The following LRRFIP1 variants were observed in gnomAD, a reference collection of about 807,000 sequenced individuals.
The protein encoded by LRRFIP1 is leucine-rich repeat flightless-interacting protein 1.
Under a neutral mutation model 104.4 loss-of-function variants are expected in LRRFIP1, and 62 were observed. The observed-to-expected ratio is 0.59, with a 90% CI of 0.48 to 0.73. The LOEUF (loss-of-function observed/expected upper bound fraction) is 0.73. LRRFIP1 is among the 30% of genes least tolerant of loss of function. The pLI, the probability that LRRFIP1 is intolerant of heterozygous loss-of-function variation, is 0.00. For missense variants in LRRFIP1, 796 were observed against 824.5 expected (o/e 0.97, Z 0.42); for synonymous variants, 300 against 299.0 (o/e 1.00, Z -0.03).
chr2:237,741,887 A>G (rs1457688996), intron 11 of LRRFIP1, among the ~76,000 whole-genome samples: 1 of 152,186 alleles, frequency 6.6e-6, no homozygotes, highest in African/African-American at 2.4e-5. Flanking sequence ...TACAATTGAC[A>G]GAAGAATGTT....
At chr2:237,733,245 C>T (rs748308825) in intron 8 of LRRFIP1, among the ~76,000 whole-genome samples, 28 of 152,320 alleles carry the variant, frequency 1.8e-4, no homozygotes, top group African/African-American at 9.6e-5. Flanking sequence ...GGCTAGACCG[C>T]GGCTCCTCTG....
At chr2:237,764,925 A>G in intron 19 of LRRFIP1, 1 of 985,610 alleles carries the variant, frequency 1.0e-6, no homozygotes, top group Non-Finnish European at 1.2e-6. Context: ...TATATGTCAA[A>G]TTACATTTCC....
At chr2:237,628,201 A>G in intron 1 of LRRFIP1, among the ~76,000 whole-genome samples, 1 of 152,234 alleles carries the variant, frequency 6.6e-6, no homozygotes, top group East Asian at 1.9e-4. Flanking sequence ...CGAGTCGCTC[A>G]GGTGACCATT....
At chr2:237,675,131 A>C (rs937408144) in intron 1 of LRRFIP1, among the ~76,000 whole-genome samples, 5 of 152,152 alleles carry the variant, frequency 3.3e-5, no homozygotes, top group Non-Finnish European at 5.9e-5. Context: ...GTCCCTCCTG[A>C]GCCCCCGCTC....
chr2:237,724,465 G>T (rs550348468), intron 7 of LRRFIP1, among the ~76,000 whole-genome samples: 273 of 152,328 alleles, frequency 1.8e-3, no homozygotes, highest in Non-Finnish European at 3.2e-3. Flanking sequence ...CTGTGGGACG[G>T]CTGTTCTGCT....
At chr2:237,704,212 G>A (rs1004216940) in intron 1 of LRRFIP1, among the ~76,000 whole-genome samples, 37 of 150,792 alleles carry the variant, frequency 2.5e-4, no homozygotes, top group African/African-American at 9.1e-4. Flanking sequence ...GAGTGCAGTG[G>A]TGCAATCTTG....
intron 19 of LRRFIP1, among the ~76,000 whole-genome samples, chr2:237,761,867 A>G (rs1444016322): frequency 6.6e-6 from 1 of 152,160 alleles, no homozygotes; most frequent in Non-Finnish European, 1.5e-5. Context: ...AAAAATTCCA[A>G]AACAGTTTGA....
chr2:237,720,722 T>A, intron 5 of LRRFIP1, 50 bp from the exon 6 acceptor site: 1 of 1,528,484 alleles, frequency 6.5e-7, no homozygotes, highest in Non-Finnish European at 9.1e-7. Flanking sequence ...TGGTTCTTCA[T>A]GTATGTTGTA....
At chr2:237,648,063 TG>T (rs775629957) in intron 1 of LRRFIP1, among the ~76,000 whole-genome samples, 2 of 152,000 alleles carry the variant, frequency 1.3e-5, no homozygotes, top group African/African-American at 4.8e-5. Context: ...ATAGAGGCAG[TG>T]TATGAGTCCA....
intron 1 of LRRFIP1, among the ~76,000 whole-genome samples, chr2:237,666,362 T>G (rs140948497): frequency 5.3e-5 from 8 of 152,268 alleles, no homozygotes; most frequent in African/African-American, 1.7e-4. Context: ...CTTTGATGAT[T>G]TATGAGCCTG....
intron 1 of LRRFIP1, among the ~76,000 whole-genome samples, chr2:237,651,938 G>T (rs1198021589): frequency 6.6e-6 from 1 of 152,206 alleles, no homozygotes; most frequent in Non-Finnish European, 1.5e-5. Flanking sequence ...GCTGCCCGTG[G>T]CTGCATTGGG....
Position 237,766,287 on chromosome 2 carries a change from C to T in LRRFIP1, c.1460-3656C>T, listed in dbSNP as rs1208931711. On this transcript the variant is annotated intron_variant, in intron 19 of 23. Coordinates refer to ENST00000308482, the MANE Select transcript of LRRFIP1 (RefSeq NM_001137550.2). This position sits in a 1 kb window ranked among gnomAD's most constrained non-coding sequence, Gnocchi z 4.8. The stretch of plus-strand genomic sequence containing the variant: ...CCTTGACTGTTTCTGCTCAAGTGTC[C>T]TGAAGTAGAGGATGGTGGGGATGAT... Among the ~76,000 whole-genome samples, 2 of 152,148 alleles carry T rather than the reference C, an allele frequency of 1.3e-5. No individual in the cohort carries two copies. Among genetic ancestry groups the T allele is most frequent in the East Asian group, 3.9e-4 (2 of 5,194 alleles).
Position 237,751,288 on chromosome 2 carries a change from G to C in LRRFIP1, c.867+17G>C, listed in dbSNP as rs192705285. 1.6e-5 allele frequency: 25 copies of C among 1,582,938 alleles called. No individual in the cohort carries two copies. The highest frequency in any genetic ancestry group is 1.8e-5 in the Admixed American group (1 of 56,422). ...GAGATGAAGGTACCAATTCACAGACGTGTGGTCTCACGATATTAACCCAAC... is the reference window on the plus strand; with the variant it reads ...GAGATGAAGGTACCAATTCACAGACCTGTGGTCTCACGATATTAACCCAAC... On this transcript the variant is annotated intron_variant, in intron 14 of 23. Transcript: ENST00000308482.
intron 21 of LRRFIP1, chr2:237,772,593 T>C (rs1559867270): frequency 1.9e-6 from 1 of 531,802 alleles, no homozygotes; most frequent in East Asian, 3.1e-5. Flanking sequence ...CCCTTTTCCC[T>C]ACCCCCTACC....
At chr2:237,731,059 A>G (rs1373051175) in intron 8 of LRRFIP1, among the ~76,000 whole-genome samples, 1 of 152,242 alleles carries the variant, frequency 6.6e-6, no homozygotes, top group Non-Finnish European at 1.5e-5. Flanking sequence ...GGCAGAACCC[A>G]GGAGAGGTGC....
chr2:237,717,860 C>G lies in LRRFIP1; in HGVS notation c.249+51C>G. On this transcript the variant is annotated intron_variant, in intron 4 of 23. Coordinates refer to ENST00000308482, the MANE Select transcript of LRRFIP1 (RefSeq NM_001137550.2). This position sits in a 1 kb window ranked among gnomAD's most constrained non-coding sequence, Gnocchi z 4.2. Reference sequence around the variant, plus strand: ...TTACTCTTCCCTCCCCACTTGAATACAGTGTTGAGACTTAAATGGTTTATA... The same window carrying G: ...TTACTCTTCCCTCCCCACTTGAATAGAGTGTTGAGACTTAAATGGTTTATA... 7.6e-7 allele frequency: 1 copy of G among 1,314,882 alleles called. No homozygotes were observed. Among genetic ancestry groups the G allele is most frequent in the Admixed American group, 1.7e-5 (1 of 59,664 alleles). The allele number at this position is 1,314,882 out of a possible 1,614,324, so 81.5% of individuals were successfully genotyped here.
At position 237,691,283 on chromosome 2, in the gene LRRFIP1, G is replaced by C. The variant is rs2092735603; in HGVS notation, c.97-17261G>C. ...GCGAGGTCGGGAACCGTTTCCCGCAGGACTTTCATTGGGAGTTACGAGGGC... is the reference window on the plus strand; with the variant it reads ...GCGAGGTCGGGAACCGTTTCCCGCACGACTTTCATTGGGAGTTACGAGGGC... On this transcript the variant is annotated intron_variant, in intron 1 of 23. Coordinates refer to ENST00000308482, the MANE Select transcript of LRRFIP1 (RefSeq NM_001137550.2). This position sits in a 1 kb window ranked among gnomAD's most constrained non-coding sequence, Gnocchi z 5.4. 6.6e-6 allele frequency among the ~76,000 whole-genome samples: 1 copy of C among 152,248 alleles called. No homozygotes were observed. Among genetic ancestry groups the C allele is most frequent in the Non-Finnish European group, 1.5e-5 (1 of 68,046 alleles).
chr2:237,648,926 T>TC (rs2085426799), intron 1 of LRRFIP1, among the ~76,000 whole-genome samples: 1 of 151,930 alleles, frequency 6.6e-6, no homozygotes, highest in Admixed American at 6.6e-5. Flanking sequence ...TCCTTCTGCT[T>TC]CCTTTCTGGG....
rs1359983840 is a variant in LRRFIP1 at position 237,731,726 on chromosome 2, C to T, written c.445-2048C>T. On this transcript the variant is annotated intron_variant, in intron 8 of 23. Transcript: ENST00000308482. ...TAAATATCTCATCTTTGGATATGAA[C>T]GATTCACCCAAGTTCAGCCTGCATC... Among the ~76,000 whole-genome samples, 5 of 152,110 alleles carry T rather than the reference C, an allele frequency of 3.3e-5. No homozygotes were observed. The East Asian group carries it at 7.7e-4, about 23-fold the overall frequency.
Sources: allele counts gnomAD v4.1 joint callset (sites outside exome capture counted in the v4.1 genomes callset), GRCh38; gene constraint gnomAD v4.1.1; non-coding constraint Gnocchi (gnomAD v3.1); transcripts MANE v1.5; gene names NCBI Gene and HGNC (gene_info 2026-07-23, HGNC 2026-07-21).